Variants in FRAS1 observed in about 807,000 individuals in gnomAD.
FRAS1 encodes the protein Fraser extracellular matrix complex subunit 1, also known as extracellular matrix organizing protein FRAS1.
FRAS1 carries 290 observed loss-of-function variants against 435.2 expected under a neutral mutation model. The observed-to-expected ratio is 0.67, with a 90% CI of 0.61 to 0.73. The LOEUF is 0.73. Among genes scored for constraint, FRAS1 ranks in the 30% least tolerant of loss-of-function variants. The pLI, the probability that FRAS1 is intolerant of heterozygous loss-of-function variation, is 0.00. For missense variants in FRAS1, 4,860 were observed against 5,001.5 expected (o/e 0.97, Z 0.85); for synonymous variants, 1,800 against 1,851.0 (o/e 0.97, Z 0.71).
chr4:78,440,364 C>T (rs567676684), intron 40 of FRAS1, among the ~76,000 whole-genome samples: 14 of 152,248 alleles, frequency 9.2e-5, no homozygotes, highest in African/African-American at 3.4e-4. Flanking sequence ...TTCTGATATT[C>T]CTCCCATTTT....
At chr4:78,147,424 T>C (rs529339484) in intron 2 of FRAS1, among the ~76,000 whole-genome samples, 1 of 152,306 alleles carries the variant, frequency 6.6e-6, no homozygotes, top group Admixed American at 6.5e-5. Flanking sequence ...TTGCTGTTAG[T>C]AGTTTTTGAG....
chr4:78,119,032 C>T (rs1718855395), intron 2 of FRAS1, among the ~76,000 whole-genome samples: 1 of 152,042 alleles, frequency 6.6e-6, no homozygotes, highest in South Asian at 2.1e-4. Flanking sequence ...AATATTTTCT[C>T]CCAGTATAAA....
chr4:78,479,633 G>A lies in FRAS1; in HGVS notation c.8358G>A (p.Ala2786=), dbSNP rs1287604743. 6 of 1,613,802 alleles carry A rather than the reference G, an allele frequency of 3.7e-6. No homozygotes were observed. In the Admixed American group the frequency reaches 5.0e-5, roughly 13 times the overall value. The change falls in exon 56 of 74, where the codon GCG becomes GCA. Residue 2786 remains alanine, a synonymous_variant. Transcript: ENST00000512123. ...ACAATGCCCGCATTGGAAGGGTGGC[G>A]ACAGCCAAGGTGCTCATTAGTGGTC... ...ASDNARIGRV[A]TAKVLISGPN...
chr4:78,529,700 C>T (rs10022768), intron 70 of FRAS1, among the ~76,000 whole-genome samples: 104,677 of 151,946 alleles, frequency 0.69, 36,625 homozygotes, highest in African/African-American at 0.82. Context: ...TTCAATCTGC[C>T]AACCAAGACA....
intron 63 of FRAS1, 27 bp from the exon 64 acceptor site, chr4:78,511,247 T>C: frequency 6.5e-7 from 1 of 1,535,618 alleles, no homozygotes; most frequent in East Asian, 2.3e-5. Context: ...GGTACTCACA[T>C]TGGAGGTGAT....
At chr4:78,527,207 A>G (rs1402227097) in intron 70 of FRAS1, among the ~76,000 whole-genome samples, 1 of 152,164 alleles carries the variant, frequency 6.6e-6, no homozygotes, top group Non-Finnish European at 1.5e-5. Flanking sequence ...CTCAATATCC[A>G]CTAATTCATT....
chr4:78,105,240 C>T (rs1742339144), intron 2 of FRAS1, among the ~76,000 whole-genome samples: 1 of 152,174 alleles, frequency 6.6e-6, no homozygotes, highest in South Asian at 2.1e-4. Flanking sequence ...CACATCTGCT[C>T]TGGACTGTTG....
intron 2 of FRAS1, among the ~76,000 whole-genome samples, chr4:78,201,203 G>A (rs1023567785): frequency 2.0e-5 from 3 of 152,152 alleles, no homozygotes; most frequent in African/African-American, 4.8e-5. Flanking sequence ...GGGAACACCG[G>A]TGCTTTTCAC....
chr4:78,225,251 G>C (rs995901769), intron 2 of FRAS1, among the ~76,000 whole-genome samples: 1 of 152,192 alleles, frequency 6.6e-6, no homozygotes, highest in Admixed American at 6.5e-5. Flanking sequence ...AAAGAAAATG[G>C]AGGCTTGGTC....
At chr4:78,377,838 C>T (rs1731837648) in intron 26 of FRAS1, among the ~76,000 whole-genome samples, 2 of 151,434 alleles carry the variant, frequency 1.3e-5, no homozygotes, top group Admixed American at 6.6e-5. Context: ...TACCCAAGAA[C>T]ATCCAAGTCA....
chr4:78,087,660 A>G (rs370959480), intron 2 of FRAS1, among the ~76,000 whole-genome samples: 4 of 152,046 alleles, frequency 2.6e-5, no homozygotes, highest in East Asian at 1.9e-4. Flanking sequence ...AATCATGAGT[A>G]AACTCCCATT....
intron 2 of FRAS1, among the ~76,000 whole-genome samples, chr4:78,184,669 T>G (rs1339878465): frequency 6.6e-6 from 1 of 152,102 alleles, no homozygotes; most frequent in East Asian, 1.9e-4. Context: ...CACAGGGAAG[T>G]CAGGAAGGGA....
intron 2 of FRAS1, among the ~76,000 whole-genome samples, chr4:78,193,250 G>T (rs531121507): frequency 5.6e-4 from 86 of 152,270 alleles, no homozygotes; most frequent in Non-Finnish European, 7.1e-4. Flanking sequence ...ATATTCTGTT[G>T]ATTTGGGGTG....
At chr4:78,251,413 A>G (rs1725524675) in intron 4 of FRAS1, among the ~76,000 whole-genome samples, 1 of 152,254 alleles carries the variant, frequency 6.6e-6, no homozygotes, top group African/African-American at 2.4e-5. Context: ...AAGATCAAAT[A>G]TAGTCAAGGT....
At chr4:78,217,081 C>CTAGA (rs10522971) in intron 2 of FRAS1, among the ~76,000 whole-genome samples, 42,848 of 151,288 alleles carry the variant, frequency 0.28, 6,999 homozygotes, top group South Asian at 0.52. Flanking sequence ...AGCTAGATAA[C>CTAGA]TAGATAGATA....
intron 2 of FRAS1, among the ~76,000 whole-genome samples, chr4:78,087,789 T>A (rs577105096): frequency 6.6e-6 from 1 of 152,022 alleles, no homozygotes; most frequent in African/African-American, 2.4e-5. Context: ...TACAAAGAAA[T>A]GGAAGAACAT....
chr4:78,460,691 T>C (rs964389610), intron 47 of FRAS1, among the ~76,000 whole-genome samples: 2 of 152,232 alleles, frequency 1.3e-5, no homozygotes, highest in African/African-American at 4.8e-5. Flanking sequence ...AGCCTGTTAC[T>C]CTTAGGCAAC....
In FRAS1 at chr4:78,334,007, A is replaced by G. The variant is rs527488197; in HGVS notation, c.2278+595A>G. ...GGAAAAAGTGTTGCCCAGGCTAGAC[A>G]TGAACTCCTGGGCTCAAGTGATCCT... is the stretch of plus-strand genomic sequence containing the variant. On this transcript the variant is annotated intron_variant, in intron 19 of 73. Transcript: ENST00000512123. Among the ~76,000 whole-genome samples the G allele has an allele frequency of 1.2e-4, 19 of 152,202 alleles. No individual in the cohort carries two copies. In the South Asian group the frequency reaches 3.9e-3, roughly 32 times the overall value.
At chr4:78,296,506 T>TG (rs1728151688) in intron 14 of FRAS1, among the ~76,000 whole-genome samples, 2 of 152,180 alleles carry the variant, frequency 1.3e-5, no homozygotes, top group Admixed American at 1.3e-4. Context: ...TGGCCTCTTG[T>TG]GGGGCTGTGA....
Sources: gnomAD v4.1 joint callset for allele counts (sites outside exome capture counted in the v4.1 genomes callset) on GRCh38, gnomAD v4.1.1 for gene constraint, MANE v1.5 for transcripts, NCBI Gene and HGNC (gene_info 2026-07-23, HGNC 2026-07-21) for gene names.